NKAIN2: variants seen among roughly 807,000 people sequenced by gnomAD.
NKAIN2 encodes sodium/potassium-transporting ATPase subunit beta-1-interacting protein 2.
Under a neutral mutation model 32.6 loss-of-function variants are expected in NKAIN2, and 14 were observed. The observed-to-expected ratio is 0.43, with a 90% CI of 0.28 to 0.67. The LOEUF (loss-of-function observed/expected upper bound fraction) is 0.67, where lower values mean the gene tolerates loss of function less well. NKAIN2 is among the 30% of genes least tolerant of loss of function. The pLI is 0.17. For synonymous variants in NKAIN2, 80 were observed against 87.2 expected (o/e 0.92, Z 0.46); for missense variants, 198 against 258.3 (o/e 0.77, Z 1.60).
rs1182744209 is a variant in NKAIN2, at chr6:124,467,344, T to G, written c.273+111997T>G. On this transcript the variant is annotated intron_variant, in intron 3 of 6. Transcript: ENST00000368417. ...TGATGCATGTAAGACTGAAGAGCTT[T>G]TCACATGATATAGGACTACAAACAT... Among the ~76,000 whole-genome samples, 18 of 152,244 alleles carry G rather than the reference T, an allele frequency of 1.2e-4. 1 individual carries two copies. In the East Asian group the frequency reaches 3.5e-3, roughly 29 times the overall value.
intron 1 of NKAIN2, among the ~76,000 whole-genome samples, chr6:124,221,348 T>C: frequency 7.1e-6 from 1 of 141,390 alleles, no homozygotes; most frequent in Admixed American, 7.8e-5. Flanking sequence ...TAGGTGGGAA[T>C]TGAACAATGA....
At chr6:124,635,960 G>C (rs1054453861) in intron 3 of NKAIN2, among the ~76,000 whole-genome samples, 2 of 152,024 alleles carry the variant, frequency 1.3e-5, no homozygotes, top group South Asian at 2.1e-4. Context: ...ACATTTGCAG[G>C]ACATTTCATG....
rs1791901987 is a variant in NKAIN2, at chr6:124,222,795, T to C, written c.55-60210T>C. Among the ~76,000 whole-genome samples the C allele has an allele frequency of 2.0e-5, 3 of 152,166 alleles. No individual in the cohort carries two copies. The South Asian group carries it at 6.2e-4, about 32-fold the overall frequency. On this transcript the variant is annotated intron_variant, in intron 1 of 6. Coordinates refer to ENST00000368417, the MANE Select transcript of NKAIN2 (RefSeq NM_001040214.3). ...GGAGAATCAATGCGTCTCTTGCTGC[T>C]AAGTCATGTAGAACATGGACCAAGT...
intron 1 of NKAIN2, among the ~76,000 whole-genome samples, chr6:124,140,468 CAT>C (rs1252246107): frequency 2.0e-5 from 3 of 152,140 alleles, no homozygotes; most frequent in Non-Finnish European, 2.9e-5. Context: ...AGCTCAGTTA[CAT>C]ATGTTACCTT....
intron 2 of NKAIN2, among the ~76,000 whole-genome samples, chr6:124,314,095 G>A (rs1796836934): frequency 6.6e-6 from 1 of 151,984 alleles, no homozygotes; most frequent in Non-Finnish European, 1.5e-5. Flanking sequence ...TGAAAATTTA[G>A]GGAGCACGGG....
chr6:124,731,677 T>A (rs1354601491), intron 4 of NKAIN2, among the ~76,000 whole-genome samples: 8 of 151,042 alleles, frequency 5.3e-5, no homozygotes, highest in African/African-American at 1.5e-4. Context: ...ACCTGCACAA[T>A]GTGCACATGT....
chr6:124,696,570 GTCTT>G (rs1774509372), intron 4 of NKAIN2, among the ~76,000 whole-genome samples: 2 of 152,028 alleles, frequency 1.3e-5, no homozygotes, highest in South Asian at 4.1e-4. Flanking sequence ...CTCATAGCTG[GTCTT>G]TCTTGTGCTA....
intron 1 of NKAIN2, among the ~76,000 whole-genome samples, chr6:123,960,884 G>C (rs1473830490): frequency 1.3e-5 from 2 of 151,922 alleles, no homozygotes; most frequent in African/African-American, 4.8e-5. Context: ...TTTTTTCGGG[G>C]ATTAGCATCC....
intron 3 of NKAIN2, among the ~76,000 whole-genome samples, chr6:124,438,569 C>T (rs1009918208): frequency 1.3e-5 from 2 of 152,144 alleles, no homozygotes; most frequent in Non-Finnish European, 2.9e-5. Context: ...GGGCTTACTA[C>T]CTTTCACTTG....
At chr6:124,403,440 A>G (rs1583194205) in intron 3 of NKAIN2, among the ~76,000 whole-genome samples, 2 of 152,254 alleles carry the variant, frequency 1.3e-5, no homozygotes, top group Admixed American at 1.3e-4. Context: ...AGTAGCTTTT[A>G]CTTCCTTTTA....
chr6:124,351,667 G>A (rs1411390281), intron 2 of NKAIN2, among the ~76,000 whole-genome samples: 2 of 151,978 alleles, frequency 1.3e-5, no homozygotes, highest in Non-Finnish European at 2.9e-5. Context: ...TGTCACCCAG[G>A]CTGGAGTGAA....
intron 1 of NKAIN2, among the ~76,000 whole-genome samples, chr6:124,207,914 T>G (rs1790977080): frequency 6.6e-6 from 1 of 152,006 alleles, no homozygotes; most frequent in Admixed American, 6.6e-5. Context: ...AAAATTGTGT[T>G]ACATGCACTA....
intron 3 of NKAIN2, among the ~76,000 whole-genome samples, chr6:124,443,891 C>T (rs1366340613): frequency 6.6e-6 from 1 of 152,038 alleles, no homozygotes; most frequent in Non-Finnish European, 1.5e-5. Flanking sequence ...TAACTCTTAT[C>T]TATCCTTTCA....
At chr6:123,867,754 C>G (rs780903237) in intron 1 of NKAIN2, among the ~76,000 whole-genome samples, 5 of 152,132 alleles carry the variant, frequency 3.3e-5, no homozygotes, top group South Asian at 2.1e-4. Context: ...GAATCTTTCT[C>G]AAAGCACACC....
intron 3 of NKAIN2, among the ~76,000 whole-genome samples, chr6:124,388,439 A>T (rs919819570): frequency 2.0e-5 from 3 of 150,662 alleles, no homozygotes; most frequent in Non-Finnish European, 4.5e-5. Flanking sequence ...AGGACTGGTA[A>T]TGCTGATGCT....
At chr6:124,272,698 A>C (rs1043278869) in intron 1 of NKAIN2, among the ~76,000 whole-genome samples, 1 of 152,142 alleles carries the variant, frequency 6.6e-6, no homozygotes, top group African/African-American at 2.4e-5. Flanking sequence ...AACAGCTTGC[A>C]CCATGCACCT....
chr6:124,427,389 T>G (rs901422817), intron 3 of NKAIN2, among the ~76,000 whole-genome samples: 3 of 152,180 alleles, frequency 2.0e-5, no homozygotes, highest in Admixed American at 2.0e-4. Context: ...ATCATCCTAA[T>G]CATCATCTTG....
chr6:124,775,118 ATTT>A (rs1778930521), intron 4 of NKAIN2, among the ~76,000 whole-genome samples: 1 of 152,120 alleles, frequency 6.6e-6, no homozygotes, highest in Non-Finnish European at 1.5e-5. Flanking sequence ...ATTCAAGCAT[ATTT>A]TTTACTTCCA....
chr6:124,527,552 T>G (rs1779365923), intron 3 of NKAIN2, among the ~76,000 whole-genome samples: 1 of 152,218 alleles, frequency 6.6e-6, no homozygotes, highest in Non-Finnish European at 1.5e-5. Context: ...TCATCTGCTC[T>G]GTGAAAAACT....
Sources: gnomAD v4.1 joint callset for allele counts (sites outside exome capture counted in the v4.1 genomes callset) on GRCh38, gnomAD v4.1.1 for gene constraint, MANE v1.5 for transcripts, NCBI Gene and HGNC (gene_info 2026-07-23, HGNC 2026-07-21) for gene names.